The following GRIK4 variants were observed in gnomAD, a reference collection of about 807,000 sequenced individuals.
GRIK4 encodes the protein glutamate receptor ionotropic, kainate 4.
GRIK4 carries 40 observed loss-of-function variants against 104.9 expected under a neutral mutation model. The ratio of observed to expected loss-of-function variants is 0.38; its 90% CI spans 0.30 to 0.50. GRIK4 has a LOEUF of 0.50. Among genes scored for constraint, GRIK4 ranks in the 20% least tolerant of loss-of-function variants. GRIK4 has a pLI of 0.93. For missense variants in GRIK4, 1,047 were observed against 1,308.1 expected (o/e 0.80, Z 3.08); for synonymous variants, 485 against 524.9 (o/e 0.92, Z 1.04).
intron 1 of GRIK4, among the ~76,000 whole-genome samples, chr11:120,651,348 G>T (rs924968186): frequency 3.9e-5 from 6 of 152,188 alleles, no homozygotes; most frequent in Non-Finnish European, 8.8e-5. Flanking sequence ...GCCAGCCCAA[G>T]GATGCATAGT....
In GRIK4 at chr11:120,940,227, C is replaced by G; in HGVS notation, c.1477-120C>G. 1 of 639,422 alleles carries G rather than the reference C, an allele frequency of 1.6e-6. No individual in the cohort carries two copies. The allele number at this position is 639,422 out of a possible 1,614,324, so 39.6% of individuals were successfully genotyped here. On this transcript the variant is annotated intron_variant, in intron 13 of 20. Transcript: ENST00000527524. The surrounding 1 kb of genome is among the most constrained non-coding windows in gnomAD (Gnocchi z 4.3). ...ATGCAGTGTTGACTTAGAGCCACTC[C>G]TCAAGCAAGAAGCCAGACCAGCATC...
At chr11:120,742,566 G>A (rs943896080) in intron 3 of GRIK4, among the ~76,000 whole-genome samples, 9 of 150,298 alleles carry the variant, frequency 6.0e-5, no homozygotes, top group Non-Finnish European at 4.4e-5. Flanking sequence ...CGCCCAGGCC[G>A]GACTGCAGTG....
chr11:120,528,817 G>T (rs1202770073), intron 1 of GRIK4, among the ~76,000 whole-genome samples: 2 of 152,102 alleles, frequency 1.3e-5, no homozygotes, highest in Non-Finnish European at 2.9e-5. Context: ...GGAAAGACCT[G>T]CCTCCATGAT....
intron 1 of GRIK4, among the ~76,000 whole-genome samples, chr11:120,644,044 T>TGTGTGTGTGA (rs1446673011): frequency 1.3e-3 from 152 of 112,640 alleles, no homozygotes; most frequent in African/African-American, 5.2e-3. Flanking sequence ...TGTGTGTGTG[T>TGTGTGTGTGA]GAGAGAGAGA....
intron 1 of GRIK4, among the ~76,000 whole-genome samples, chr11:120,612,857 C>T (rs1388044895): frequency 6.6e-6 from 1 of 152,122 alleles, no homozygotes; most frequent in Non-Finnish European, 1.5e-5. Flanking sequence ...TGAGCTTCCA[C>T]CGTGTGTAGA....
At chr11:120,796,729 C>T (rs1007338279) in intron 3 of GRIK4, among the ~76,000 whole-genome samples, 1 of 151,970 alleles carries the variant, frequency 6.6e-6, no homozygotes, top group Non-Finnish European at 1.5e-5. Flanking sequence ...ACCGTGGAAG[C>T]CAGACAGGAC....
At chr11:120,776,006 G>A (rs962495877) in intron 3 of GRIK4, among the ~76,000 whole-genome samples, 11 of 152,214 alleles carry the variant, frequency 7.2e-5, no homozygotes, top group African/African-American at 2.7e-4. Flanking sequence ...CCCTGAGAAG[G>A]CATCTCTCAG....
intron 3 of GRIK4, among the ~76,000 whole-genome samples, chr11:120,718,903 A>G (rs981025727): frequency 6.6e-6 from 1 of 152,228 alleles, no homozygotes; most frequent in Non-Finnish European, 1.5e-5. Context: ...AGGACTGGCT[A>G]AGCCCTGTTT....
At chr11:120,837,697 C>T (rs1953610324) in intron 8 of GRIK4, among the ~76,000 whole-genome samples, 1 of 150,964 alleles carries the variant, frequency 6.6e-6, no homozygotes, top group Non-Finnish European at 1.5e-5. Flanking sequence ...TTTTTTTTAA[C>T]CTAACACTGC....
intron 3 of GRIK4, among the ~76,000 whole-genome samples, chr11:120,737,952 A>G (rs948032): frequency 0.75 from 113,719 of 152,074 alleles, 42,894 homozygotes; most frequent in Middle Eastern, 0.85. Flanking sequence ...TCAAAACCAG[A>G]AAAAGTGATG....
intron 1 of GRIK4, among the ~76,000 whole-genome samples, chr11:120,515,791 A>G (rs1343023177): frequency 6.6e-6 from 1 of 152,274 alleles, no homozygotes; most frequent in African/African-American, 2.4e-5. Flanking sequence ...TAGTAAATCC[A>G]GTATGAACAA....
chr11:120,966,725 T>G (rs991644604), intron 18 of GRIK4, among the ~76,000 whole-genome samples: 1 of 152,144 alleles, frequency 6.6e-6, no homozygotes, highest in African/African-American at 2.4e-5. Context: ...CTAAAAGGTT[T>G]GTGTCACAGA....
intron 11 of GRIK4, among the ~76,000 whole-genome samples, chr11:120,893,929 T>C (rs141060750): frequency 6.6e-6 from 1 of 152,372 alleles, no homozygotes; most frequent in East Asian, 1.9e-4. Context: ...TGCTCGGCTC[T>C]AGAATTTCTG....
At chr11:120,776,417 G>A (rs1163347768) in intron 3 of GRIK4, among the ~76,000 whole-genome samples, 2 of 152,068 alleles carry the variant, frequency 1.3e-5, no homozygotes, top group Non-Finnish European at 2.9e-5. Context: ...TTTTTTGCCT[G>A]ACCTCATTGG....
intron 3 of GRIK4, among the ~76,000 whole-genome samples, chr11:120,666,613 C>T (rs547011920): frequency 7.2e-5 from 11 of 152,306 alleles, no homozygotes; most frequent in African/African-American, 2.4e-4. Flanking sequence ...GCTATTGTTC[C>T]ATATCTGAAG....
chr11:120,821,901 G>A (rs1161400690), intron 6 of GRIK4, among the ~76,000 whole-genome samples: 4 of 152,250 alleles, frequency 2.6e-5, no homozygotes, highest in South Asian at 2.1e-4. Flanking sequence ...AAGCAGGGTC[G>A]ATGGTCATGA....
chr11:120,521,797 A>G (rs1275336102), intron 1 of GRIK4, among the ~76,000 whole-genome samples: 33 of 152,218 alleles, frequency 2.2e-4, no homozygotes, highest in Non-Finnish European at 1.0e-4. Context: ...TTATTCTTGA[A>G]GTAACTCGAG....
chr11:120,897,450 A>G (rs1218253103), intron 11 of GRIK4, among the ~76,000 whole-genome samples: 2 of 151,654 alleles, frequency 1.3e-5, no homozygotes, highest in Non-Finnish European at 2.9e-5. Flanking sequence ...CCTGGCCAAG[A>G]TGGTGAAACC....
intron 3 of GRIK4, among the ~76,000 whole-genome samples, chr11:120,715,220 A>T (rs1309420015): frequency 6.6e-6 from 1 of 152,268 alleles, no homozygotes; most frequent in Non-Finnish European, 1.5e-5. Flanking sequence ...GAAGCCAAGG[A>T]TATGTGTGAT....
Sources: gnomAD v4.1 joint callset for allele counts (sites outside exome capture counted in the v4.1 genomes callset) on GRCh38, gnomAD v4.1.1 for gene constraint, Gnocchi (gnomAD v3.1) non-coding constraint, MANE v1.5 for transcripts, NCBI Gene and HGNC (gene_info 2026-07-23, HGNC 2026-07-21) for gene names.